Variants in RMST observed in about 807,000 individuals in gnomAD.
RMST encodes the protein rhabdomyosarcoma 2 associated transcript.
At chr12:97,506,158 A>G (rs1231807028) in intron 10 of RMST, among the ~76,000 whole-genome samples, 1 of 151,428 alleles carries the variant, frequency 6.6e-6, no homozygotes, top group East Asian at 1.9e-4. Flanking sequence ...ATTAGATTTT[A>G]TATTACAGTA....
chr12:97,510,229 A>G (rs1282161340), intron 10 of RMST, among the ~76,000 whole-genome samples: 11 of 152,324 alleles, frequency 7.2e-5, no homozygotes, highest in Non-Finnish European at 1.5e-5. Flanking sequence ...TTTTAGAGAA[A>G]GTTACAGTTA....
At chr12:97,515,891 T>A (rs1476521974) in intron 10 of RMST, among the ~76,000 whole-genome samples, 1 of 152,050 alleles carries the variant, frequency 6.6e-6, no homozygotes, top group East Asian at 1.9e-4. Context: ...ACCAGAGAAC[T>A]TACTGTGGAT....
intron 11 of RMST, among the ~76,000 whole-genome samples, chr12:97,556,787 C>A (rs1479862810): frequency 1.3e-5 from 2 of 151,954 alleles, no homozygotes; most frequent in Non-Finnish European, 2.9e-5. Flanking sequence ...TAAGAGTCTG[C>A]ATTTTCTTGT....
At chr12:97,557,193 C>T (rs1883765246) in intron 11 of RMST, among the ~76,000 whole-genome samples, 1 of 152,122 alleles carries the variant, frequency 6.6e-6, no homozygotes, top group South Asian at 2.1e-4. Flanking sequence ...AGTATTTTGG[C>T]AGTTTTGCAA....
At chr12:97,551,083 A>G (rs1565938354) in intron 11 of RMST, among the ~76,000 whole-genome samples, 1 of 152,018 alleles carries the variant, frequency 6.6e-6, no homozygotes, top group South Asian at 2.1e-4. Context: ...TTCTTTCTAC[A>G]ACACCACAAT....
At chr12:97,468,976 T>C (rs187639029) in intron 5 of RMST, among the ~76,000 whole-genome samples, 19 of 152,054 alleles carry the variant, frequency 1.2e-4, no homozygotes, top group Non-Finnish European at 2.7e-4. Context: ...TATGGGAATC[T>C]TACTAGTGAT....
At chr12:97,556,034 A>G (rs1002301200) in intron 11 of RMST, among the ~76,000 whole-genome samples, 1 of 152,202 alleles carries the variant, frequency 6.6e-6, no homozygotes, top group Non-Finnish European at 1.5e-5. Flanking sequence ...ATCTACAACC[A>G]TGACAACTTT....
intron 3 of RMST, chr12:97,463,100 A>G (rs1872776428): frequency 6.6e-6 from 1 of 151,120 alleles, no homozygotes; most frequent in Non-Finnish European, 1.5e-5. Context: ...ACAAGCACAC[A>G]CATACACAAG....
chr12:97,558,316 T>G (rs937569526), intron 11 of RMST, among the ~76,000 whole-genome samples: 1 of 152,190 alleles, frequency 6.6e-6, no homozygotes, highest in African/African-American at 2.4e-5. Context: ...GGCTTATTTA[T>G]CATCACATAC....
intron 10 of RMST, among the ~76,000 whole-genome samples, chr12:97,496,810 A>G (rs1877479159): frequency 6.6e-6 from 1 of 152,166 alleles, no homozygotes; most frequent in South Asian, 2.1e-4. Context: ...GAACAATGAA[A>G]TTGGGATGAA....
intron 11 of RMST, among the ~76,000 whole-genome samples, chr12:97,549,152 C>A (rs908735256): frequency 2.6e-5 from 4 of 152,188 alleles, no homozygotes; most frequent in Non-Finnish European, 5.9e-5. Flanking sequence ...AGCATTCAAA[C>A]GAGGTTCCAT....
At chr12:97,504,976 G>A (rs747545162) in intron 10 of RMST, among the ~76,000 whole-genome samples, 2 of 152,202 alleles carry the variant, frequency 1.3e-5, no homozygotes, top group African/African-American at 4.8e-5. Flanking sequence ...AACCTTGGTC[G>A]CCCCTGTTAG....
intron 10 of RMST, among the ~76,000 whole-genome samples, chr12:97,527,612 C>A (rs1881240115): frequency 1.3e-5 from 2 of 152,110 alleles, no homozygotes; most frequent in African/African-American, 4.8e-5. Context: ...CTGTTTCCAG[C>A]AGTTCTGCAT....
chr12:97,475,220 T>C (rs578176439), intron 5 of RMST, among the ~76,000 whole-genome samples: 1 of 152,250 alleles, frequency 6.6e-6, no homozygotes, highest in Non-Finnish European at 1.5e-5. Flanking sequence ...TTTCAGCCAT[T>C]TTTACCTTGG....
chr12:97,481,247 T>C (rs1875239934), intron 5 of RMST, among the ~76,000 whole-genome samples: 1 of 152,182 alleles, frequency 6.6e-6, no homozygotes, highest in African/African-American at 2.4e-5. Flanking sequence ...CCATACTTTA[T>C]GTATATTTTA....
intron 10 of RMST, among the ~76,000 whole-genome samples, chr12:97,507,394 C>T (rs1196595084): frequency 6.6e-6 from 1 of 151,596 alleles, no homozygotes; most frequent in Non-Finnish European, 1.5e-5. Flanking sequence ...TTTCCAGCCT[C>T]CAAAATAATG....
At chr12:97,527,926 T>C (rs1001699787) in intron 10 of RMST, among the ~76,000 whole-genome samples, 5 of 152,124 alleles carry the variant, frequency 3.3e-5, no homozygotes, top group Admixed American at 3.3e-4. Context: ...AGCACAAATA[T>C]GTCAGAATTA....
intron 11 of RMST, among the ~76,000 whole-genome samples, chr12:97,552,420 T>TGACATGAATTCCTAGGATTCCTA (rs1883370421): frequency 6.6e-6 from 1 of 152,212 alleles, no homozygotes; most frequent in Non-Finnish European, 1.5e-5. Context: ...ATGGATTCCT[T>TGACATGAATTCCTAGGATTCCTA]GACATGAATT....
At chr12:97,510,995 G>A (rs985785129) in intron 10 of RMST, among the ~76,000 whole-genome samples, 2 of 151,626 alleles carry the variant, frequency 1.3e-5, no homozygotes, top group African/African-American at 4.9e-5. Flanking sequence ...AATTTCTGCA[G>A]CCACAGTTAC....
Sources: gnomAD v4.1 joint callset for allele counts (sites outside exome capture counted in the v4.1 genomes callset) on GRCh38, gnomAD v4.1.1 for gene constraint, MANE v1.5 for transcripts, NCBI Gene and HGNC (gene_info 2026-07-23, HGNC 2026-07-21) for gene names.